Variants in FA2H observed in about 807,000 individuals in gnomAD.
FA2H encodes fatty acid 2-hydroxylase.
Under a neutral mutation model 44.9 loss-of-function variants are expected in FA2H, and 22 were observed. The ratio of observed to expected loss-of-function variants is 0.49; its 90% CI spans 0.35 to 0.70. FA2H has a LOEUF of 0.70. FA2H is among the 30% of genes least tolerant of loss of function. The probability of loss-of-function intolerance (pLI) is 0.01; values close to 1 mark genes in which losing one functional copy is unlikely to be tolerated. For missense variants in FA2H, 501 were observed against 504.9 expected (o/e 0.99, Z 0.07); for synonymous variants, 243 against 213.2 (o/e 1.14, Z -1.22).
At chr16:74,757,030 G>T (rs1962624736) in intron 1 of FA2H, among the ~76,000 whole-genome samples, 1 of 151,368 alleles carries the variant, frequency 6.6e-6, no homozygotes, top group South Asian at 2.1e-4. Flanking sequence ...AAATTTAAAG[G>T]TTTTGCGTTG....
chr16:74,728,776 C>CT (rs1319164537), intron 2 of FA2H, among the ~76,000 whole-genome samples: 3 of 142,026 alleles, frequency 2.1e-5, no homozygotes, highest in African/African-American at 8.1e-5. Context: ...ATATTTATCT[C>CT]TTTCTTTTTT....
chr16:74,750,935 CA>C (rs1317676727), intron 1 of FA2H, among the ~76,000 whole-genome samples: 1 of 152,060 alleles, frequency 6.6e-6, no homozygotes, highest in African/African-American at 2.4e-5. Flanking sequence ...GCACATGCCA[CA>C]ATGGCCGGCT....
intron 1 of FA2H, among the ~76,000 whole-genome samples, 169 bp from the exon 2 acceptor site, chr16:74,740,284 T>TG (rs1291287012): frequency 4.6e-5 from 7 of 152,138 alleles, no homozygotes; most frequent in Admixed American, 4.6e-4. Flanking sequence ...GACCCTGATG[T>TG]GAGCATTGTT....
chr16:74,739,333 C>G (rs1962245851), intron 2 of FA2H, among the ~76,000 whole-genome samples: 1 of 152,140 alleles, frequency 6.6e-6, no homozygotes, highest in Non-Finnish European at 1.5e-5. Context: ...GGCACCAAGC[C>G]CAGCTCCCTC....
chr16:74,774,510 C>T lies in FA2H; in HGVS notation c.246G>A (p.Val82=), dbSNP rs751449227. 8 of 1,549,872 alleles carry T rather than the reference C, an allele frequency of 5.2e-6. No homozygotes were observed. Among genetic ancestry groups the T allele is most frequent in the South Asian group, 1.2e-5 (1 of 83,010 alleles). ...CCTGCTGCTCCCCGCGGAGCTCTCC[C>T]ACGTAGTACTGCTCCAGCCAGCGGC... ...NARRWLEQYY[V]GELRGEQQGS... Residue 82 remains valine, a synonymous_variant, in exon 1 of 7, where the codon GTG becomes GTA. Coordinates refer to ENST00000219368, the MANE Select transcript of FA2H (RefSeq NM_024306.5).
chr16:74,715,931 T>TCAGC (rs1355117315), intron 6 of FA2H, among the ~76,000 whole-genome samples: 9 of 151,766 alleles, frequency 5.9e-5, no homozygotes, highest in Admixed American at 1.3e-4. Flanking sequence ...TTCTCATGCC[T>TCAGC]CAGCCTCCCA....
intron 1 of FA2H, among the ~76,000 whole-genome samples, chr16:74,754,671 G>T (rs1002842095): frequency 1.3e-5 from 2 of 151,992 alleles, no homozygotes; most frequent in Non-Finnish European, 2.9e-5. Context: ...GAGACTACAG[G>T]TGCACGCCAC....
chr16:74,739,956 C>T lies in FA2H; in HGVS notation c.363+67G>A, dbSNP rs1962258516. The T allele has an allele frequency of 8.1e-6, 10 of 1,231,982 alleles. No individual in the cohort carries two copies. The East Asian group carries it at 1.4e-4, about 17-fold the overall frequency. The allele number at this position is 1,231,982 out of a possible 1,614,324, so 76.3% of individuals were successfully genotyped here. A position where few individuals can be genotyped will look rare whatever the true frequency, so the allele number is the denominator to read the frequency against. Reference sequence around the variant, plus strand: ...GCCCACTCCCAGCTTTGGCTCCACACACCCTCTTCCTCTCCTCATTCCCGC... The same window carrying T: ...GCCCACTCCCAGCTTTGGCTCCACATACCCTCTTCCTCTCCTCATTCCCGC... On this transcript the variant is annotated intron_variant, in intron 2 of 6. Coordinates refer to ENST00000219368, the MANE Select transcript of FA2H (RefSeq NM_024306.5).
intron 2 of FA2H, among the ~76,000 whole-genome samples, chr16:74,730,319 TG>T (rs35920804): frequency 6.6e-6 from 1 of 151,916 alleles, no homozygotes; most frequent in Non-Finnish European, 1.5e-5. Context: ...GGGTGGGGGT[TG>T]GGGGGTTCAC....
rs917632421 is a variant in FA2H, at chr16:74,726,074, T to G, written c.613+151A>C. 12 of 654,096 alleles carry G rather than the reference T, an allele frequency of 1.8e-5. No individual in the cohort carries two copies. The African/African-American group carries it at 2.2e-4, about 12-fold the overall frequency. The allele number at this position is 654,096 out of a possible 1,614,324, so 40.5% of individuals were successfully genotyped here. A position where few individuals can be genotyped will look rare whatever the true frequency, so the allele number is the denominator to read the frequency against. On this transcript the variant is annotated intron_variant, in intron 4 of 6. Transcript: ENST00000219368. ...GATGGGAGTCAGACAAAATTCTTCTTTGGAAGACTATTTCTACAGAGAGGC... is the reference window on the plus strand; with the variant it reads ...GATGGGAGTCAGACAAAATTCTTCTGTGGAAGACTATTTCTACAGAGAGGC...
At chr16:74,760,245 C>T (rs146435353) in intron 1 of FA2H, among the ~76,000 whole-genome samples, 1 of 152,276 alleles carries the variant, frequency 6.6e-6, no homozygotes, top group African/African-American at 2.4e-5. Context: ...ACACCAGGCC[C>T]CCGAGGGAGC....
At chr16:74,753,007 AC>A (rs916991961) in intron 1 of FA2H, among the ~76,000 whole-genome samples, 9 of 152,240 alleles carry the variant, frequency 5.9e-5, no homozygotes, top group Admixed American at 4.6e-4. Context: ...TTCTGAAAAC[AC>A]CCGTCCCTCA....
chr16:74,746,531 C>T (rs1279283984), intron 1 of FA2H, among the ~76,000 whole-genome samples: 1 of 151,902 alleles, frequency 6.6e-6, no homozygotes, highest in Non-Finnish European at 1.5e-5. Flanking sequence ...GCCCTGATTT[C>T]TATGAAAAGC....
At chr16:74,762,540 C>CT (rs1962733280) in intron 1 of FA2H, among the ~76,000 whole-genome samples, 2 of 151,650 alleles carry the variant, frequency 1.3e-5, no homozygotes, top group East Asian at 2.0e-4. Context: ...AATAGAGTAA[C>CT]TTTTTTTCAA....
At chr16:74,742,463 T>A (rs1248916680) in intron 1 of FA2H, among the ~76,000 whole-genome samples, 1 of 152,126 alleles carries the variant, frequency 6.6e-6, no homozygotes, top group Non-Finnish European at 1.5e-5. Context: ...TTCGGCCGAG[T>A]ACATAGGACA....
chr16:74,726,864 C>G (rs1345860235), intron 3 of FA2H, among the ~76,000 whole-genome samples: 1 of 152,188 alleles, frequency 6.6e-6, no homozygotes, highest in Non-Finnish European at 1.5e-5. Context: ...AGATGAGTTA[C>G]TGGCAGAAAA....
At chr16:74,768,861 C>T (rs1176856934) in intron 1 of FA2H, among the ~76,000 whole-genome samples, 1 of 152,054 alleles carries the variant, frequency 6.6e-6, no homozygotes, top group Non-Finnish European at 1.5e-5. Context: ...AACATGGCAT[C>T]GAGACCTTCA....
rs746868199 is a variant in FA2H, at chr16:74,740,040, C to T, written c.346G>A (p.Val116Met). ...CCAGGTACCTTGTCCCAATCCACCA[C>T]TTTGAACCGTGGTTCCATAGCAGGA... ...TDPAMEPRFKVVDWDKDLVDW... is the reference protein window; with the variant it reads ...TDPAMEPRFKMVDWDKDLVDW... The change falls in exon 2 of 7, where the codon GTG (valine) becomes ATG (methionine). Residue 116 changes from valine to methionine, a missense_variant. By Grantham distance (21) the Val-to-Met change is conservative. Coordinates refer to ENST00000219368, the MANE Select transcript of FA2H (RefSeq NM_024306.5). 6.2e-7 allele frequency: 1 copy of T among 1,613,940 alleles called. No homozygotes were observed. Among genetic ancestry groups the T allele is most frequent in the Non-Finnish European group, 8.5e-7 (1 of 1,179,794 alleles).
At chr16:74,724,691 G>A (rs1484842293) in intron 4 of FA2H, among the ~76,000 whole-genome samples, 1 of 152,174 alleles carries the variant, frequency 6.6e-6, no homozygotes, top group Non-Finnish European at 1.5e-5. Context: ...TGGCATCATG[G>A]TCACAGGCTT....
Sources: gnomAD v4.1 joint callset for allele counts (sites outside exome capture counted in the v4.1 genomes callset) on GRCh38, gnomAD v4.1.1 for gene constraint, MANE v1.5 for transcripts, NCBI Gene and HGNC (gene_info 2026-07-23, HGNC 2026-07-21) for gene names.